TRPC6: variants seen among roughly 807,000 people sequenced by gnomAD.
TRPC6 encodes transient receptor potential cation channel subfamily C member 6.
In TRPC6, 55 loss-of-function variants were observed where a neutral mutation model predicts 90.7. The observed-to-expected ratio is 0.61, with a 90% CI of 0.49 to 0.76. The LOEUF (loss-of-function observed/expected upper bound fraction) is 0.76, where lower values mean the gene tolerates loss of function less well. Among genes scored for constraint, TRPC6 ranks in the 30% least tolerant of loss-of-function variants. The pLI is 0.00. For synonymous variants in TRPC6, 393 were observed against 393.0 expected, an observed-to-expected ratio of 1.00 and a Z score of 0.00; for missense variants, 989 against 1,122.7, an observed-to-expected ratio of 0.88 and a Z score of 1.70.
chr11:101,580,082 T>C (rs1033929646), intron 1 of TRPC6, among the ~76,000 whole-genome samples: 12 of 152,178 alleles, frequency 7.9e-5, no homozygotes, highest in African/African-American at 2.9e-4. Flanking sequence ...TTTCAGATTG[T>C]CTCAGTCAGC....
rs1858794554 is a variant in TRPC6 at position 101,452,883 on chromosome 11, A to G, written c.*72T>C. On this transcript the variant is annotated 3_prime_UTR_variant, in exon 13 of 13. Coordinates refer to ENST00000344327, the MANE Select transcript of TRPC6 (RefSeq NM_004621.6). The stretch of plus-strand genomic sequence containing the variant: ...TTAAAAGGTGGGCCCATTGGCACTT[A>G]AGAAAATAAATCAGAAAATAATATG... 1 of 1,587,404 alleles carries G rather than the reference A, an allele frequency of 6.3e-7. No homozygotes were observed. The highest frequency in any genetic ancestry group is 1.3e-5 in the African/African-American group (1 of 74,276).
chr11:101,473,423 T>C (rs1859339011), intron 7 of TRPC6, 86 bp downstream of exon 7: 2 of 1,490,122 alleles, frequency 1.3e-6, no homozygotes, highest in Non-Finnish European at 1.8e-6. Flanking sequence ...TACCAAAACA[T>C]TATCCCATGG....
chr11:101,533,060 A>C (rs1860949200), intron 1 of TRPC6, among the ~76,000 whole-genome samples: 1 of 152,180 alleles, frequency 6.6e-6, no homozygotes, highest in South Asian at 2.1e-4. Flanking sequence ...GGAAGCACTT[A>C]GAAAAATGGG....
chr11:101,582,819 C>T (rs868580068), intron 1 of TRPC6, among the ~76,000 whole-genome samples: 25 of 152,064 alleles, frequency 1.6e-4, no homozygotes, highest in African/African-American at 4.6e-4. Flanking sequence ...GGTCCAAGGA[C>T]CTCAGCGCTC....
At chr11:101,578,176 G>T (rs1862113364) in intron 1 of TRPC6, among the ~76,000 whole-genome samples, 1 of 152,172 alleles carries the variant, frequency 6.6e-6, no homozygotes, top group South Asian at 2.1e-4. Flanking sequence ...AGAGGAAAAG[G>T]ACGTGTGAAC....
At position 101,452,159 on chromosome 11, in the gene TRPC6, G is replaced by A. The variant is rs201204101; in HGVS notation, c.*796C>T. 2 of 151,958 alleles carry A rather than the reference G, an allele frequency of 1.3e-5. No individual in the cohort carries two copies. Among genetic ancestry groups the A allele is most frequent in the Admixed American group, 6.6e-5 (1 of 15,254 alleles). 9.4% of individuals were successfully genotyped at this position (151,958 alleles called of 1,614,324 possible). A position where few individuals can be genotyped will look rare whatever the true frequency, so the allele number is the denominator to read the frequency against. Reference sequence around the variant, plus strand: ...GGGTTTTGATTTTTCTCCAATAAAAGGTACTTATTTAGACAGTAAAATTTT... The same window carrying A: ...GGGTTTTGATTTTTCTCCAATAAAAAGTACTTATTTAGACAGTAAAATTTT... On this transcript the variant is annotated 3_prime_UTR_variant, in exon 13 of 13. Coordinates refer to ENST00000344327, the MANE Select transcript of TRPC6 (RefSeq NM_004621.6).
intron 1 of TRPC6, among the ~76,000 whole-genome samples, chr11:101,548,402 T>A (rs979644131): frequency 4.3e-5 from 5 of 117,414 alleles, no homozygotes; most frequent in African/African-American, 1.4e-4. Flanking sequence ...GTATAATATA[T>A]AATTATATAA....
intron 1 of TRPC6, among the ~76,000 whole-genome samples, chr11:101,580,025 T>C (rs1862159645): frequency 6.6e-6 from 1 of 152,198 alleles, no homozygotes; most frequent in Non-Finnish European, 1.5e-5. Flanking sequence ...TTTAAAATCA[T>C]TTAAAATCTT....
intron 2 of TRPC6, among the ~76,000 whole-genome samples, chr11:101,502,750 T>A (rs1312304227): frequency 6.6e-6 from 1 of 152,140 alleles, no homozygotes; most frequent in African/African-American, 2.4e-5. Flanking sequence ...AAAAGCACCT[T>A]CCTCTACCTT....
intron 5 of TRPC6, 103 bp downstream of exon 5, chr11:101,482,846 C>T: frequency 8.3e-7 from 1 of 1,205,036 alleles, no homozygotes; most frequent in Non-Finnish European, 1.2e-6. Flanking sequence ...TGCACTGTAT[C>T]ATGCTGCATA....
chr11:101,467,470 A>G (rs1471638266), intron 10 of TRPC6, among the ~76,000 whole-genome samples: 1 of 152,256 alleles, frequency 6.6e-6, no homozygotes, highest in African/African-American at 2.4e-5. Flanking sequence ...AATATTCAAA[A>G]GAACATTTGG....
At chr11:101,468,522 G>GAAATTGTTGGGAGATTCTTCTAA (rs1423115896) in intron 10 of TRPC6, among the ~76,000 whole-genome samples, 18 of 152,314 alleles carry the variant, frequency 1.2e-4, no homozygotes, top group African/African-American at 4.1e-4. Context: ...TATAACAACA[G>GAAATTGTTGGGAGATTCTTCTAA]AAATTGTTGG....
At chr11:101,539,940 A>G (rs1358867843) in intron 1 of TRPC6, among the ~76,000 whole-genome samples, 1 of 152,242 alleles carries the variant, frequency 6.6e-6, no homozygotes. Context: ...TTCAGAGTCA[A>G]TCATGGAAGT....
chr11:101,582,898 G>C (rs1862230222), intron 1 of TRPC6, among the ~76,000 whole-genome samples: 3 of 151,988 alleles, frequency 2.0e-5, no homozygotes, highest in Admixed American at 2.0e-4. Context: ...TCCAACCCTT[G>C]GAGTTCTAGT....
At chr11:101,568,519 A>G (rs1861885718) in intron 1 of TRPC6, among the ~76,000 whole-genome samples, 1 of 152,218 alleles carries the variant, frequency 6.6e-6, no homozygotes, top group Non-Finnish European at 1.5e-5. Flanking sequence ...AGAATACCAC[A>G]AAGGTATTCC....
rs149665208 is a variant in TRPC6 at position 101,455,062 on chromosome 11, C to A, written c.2524G>T (p.Asp842Tyr). Reference protein sequence around the residue: ...NKQPSIRSSEDFHLNSFNNPP... With the variant: ...NKQPSIRSSEYFHLNSFNNPP... ...TTATTGAAACTATTTAGATGGAAAT[C>A]TTCTGAGCTCCTTATACTTGGTTGT... Residue 842 changes from aspartate (D) to tyrosine (Y), a missense_variant, in exon 11 of 13, where the codon GAT becomes TAT. By Grantham distance (160) the Asp-to-Tyr change is radical. Transcript: ENST00000344327. The A allele has an allele frequency of 6.2e-7, 1 of 1,612,426 alleles. No homozygotes were observed. The highest frequency in any genetic ancestry group is 1.3e-5 in the African/African-American group (1 of 74,808).
intron 1 of TRPC6, among the ~76,000 whole-genome samples, chr11:101,551,256 A>G (rs1861442635): frequency 6.6e-6 from 1 of 152,048 alleles, no homozygotes. Context: ...TATTAAATGA[A>G]TTCAAAGGAC....
At chr11:101,583,167 C>T (rs1256742823) in intron 1 of TRPC6, 167 bp downstream of exon 1, 2 of 985,278 alleles carry the variant, frequency 2.0e-6, no homozygotes, top group Non-Finnish European at 2.4e-6. Context: ...GCGCGCCCCT[C>T]CACTCACTCA....
At chr11:101,488,341 A>G (rs181808803) in intron 4 of TRPC6, among the ~76,000 whole-genome samples, 14 of 152,362 alleles carry the variant, frequency 9.2e-5, no homozygotes, top group Non-Finnish European at 1.8e-4. Context: ...AGCTTTTGCT[A>G]AGAAAATAGG....
Sources: gnomAD v4.1 joint callset for allele counts (sites outside exome capture counted in the v4.1 genomes callset) on GRCh38, gnomAD v4.1.1 for gene constraint, MANE v1.5 for transcripts, NCBI Gene and HGNC (gene_info 2026-07-23, HGNC 2026-07-21) for gene names.